Variants in MRPL1 observed in about 807,000 individuals in gnomAD.
MRPL1 encodes mitochondrial ribosomal protein L1.
A neutral mutation model predicts 38.0 loss-of-function variants in MRPL1; 28 were observed. The ratio of observed to expected loss-of-function variants is 0.74; its 90% CI spans 0.55 to 1.01. The LOEUF (loss-of-function observed/expected upper bound fraction) is 1.01. Among genes scored for constraint, MRPL1 ranks in the 50% least tolerant of loss-of-function variants. MRPL1 has a pLI of 0.00. For missense variants in MRPL1, 358 were observed against 389.8 expected (o/e 0.92, Z 0.69); for synonymous variants, 123 against 126.7 (o/e 0.97, Z 0.20).
At chr4:77,913,288 A>G (rs977666957) in intron 7 of MRPL1, among the ~76,000 whole-genome samples, 1 of 152,194 alleles carries the variant, frequency 6.6e-6, no homozygotes, top group Non-Finnish European at 1.5e-5. Context: ...AATTCAAAAT[A>G]TATAAAGAAC....
At chr4:77,899,055 A>G (rs1478616256) in intron 6 of MRPL1, among the ~76,000 whole-genome samples, 1 of 147,392 alleles carries the variant, frequency 6.8e-6, no homozygotes, top group East Asian at 2.0e-4. Flanking sequence ...GTGCAGAGAC[A>G]TGATCTTGTC....
intron 7 of MRPL1, among the ~76,000 whole-genome samples, chr4:77,928,506 C>T (rs1235084592): frequency 3.3e-5 from 5 of 152,048 alleles, no homozygotes; most frequent in Non-Finnish European, 5.9e-5. Flanking sequence ...TCTTTTGTTG[C>T]ATTATTTTTG....
intron 4 of MRPL1, among the ~76,000 whole-genome samples, chr4:77,886,064 C>G (rs1735668919): frequency 6.6e-6 from 1 of 152,078 alleles, no homozygotes; most frequent in African/African-American, 2.4e-5. Context: ...TAAAACTGTC[C>G]TAAATAAATG....
intron 2 of MRPL1, among the ~76,000 whole-genome samples, chr4:77,879,741 G>C (rs1735493951): frequency 6.6e-6 from 1 of 152,222 alleles, no homozygotes; most frequent in Non-Finnish European, 1.5e-5. Flanking sequence ...GGTTGCTCCA[G>C]TTTGGAAGGT....
chr4:77,883,438 T>C lies in MRPL1; in HGVS notation c.340T>C (p.Phe114Leu). 6.2e-7 allele frequency: 1 copy of C among 1,613,976 alleles called. No homozygotes were observed. Among genetic ancestry groups the C allele is most frequent in the Non-Finnish European group, 8.5e-7 (1 of 1,179,908 alleles). ...ACTTAAGAAATTTCAAATTCTTGAC[T>C]TTACTAGTCCAAAGCAAAGTGTTTA... is the stretch of plus-strand genomic sequence containing the variant. ...HLLKKFQILD[F>L]TSPKQSVYLD... Residue 114 changes from phenylalanine to leucine, a missense_variant, in exon 3 of 9, where the codon TTT becomes CTT. Phe to Leu is a conservative substitution (Grantham distance 22). Transcript: ENST00000315567.
rs181464755 is a variant in MRPL1, at chr4:77,872,787, T to C, written c.143+932T>C. 3.2e-3 allele frequency among the ~76,000 whole-genome samples: 487 copies of C among 152,252 alleles called. 2 individuals are homozygous for C. Among genetic ancestry groups the C allele is most frequent in the Non-Finnish European group, 2.2e-3 (148 of 68,006 alleles). ...CTGAGGTGGGAGAATCGCTTGAACC[T>C]GGGCAGCAGAGGTTGCAGCAAGCCG... is the stretch of plus-strand genomic sequence containing the variant. On this transcript the variant is annotated intron_variant, in intron 2 of 8. Transcript: ENST00000315567.
chr4:77,869,269 T>C (rs951658397), intron 1 of MRPL1, among the ~76,000 whole-genome samples: 1 of 152,146 alleles, frequency 6.6e-6, no homozygotes, highest in Non-Finnish European at 1.5e-5. Flanking sequence ...GGGAGAGATT[T>C]TGAGAATGAG....
chr4:77,917,107 T>C (rs549967755), intron 7 of MRPL1, among the ~76,000 whole-genome samples: 1 of 152,196 alleles, frequency 6.6e-6, no homozygotes, highest in Non-Finnish European at 1.5e-5. Flanking sequence ...GTTATTCTCT[T>C]TTACCCCTTA....
chr4:77,873,561 A>T (rs183041677), intron 2 of MRPL1, among the ~76,000 whole-genome samples: 3 of 152,354 alleles, frequency 2.0e-5, no homozygotes, highest in Non-Finnish European at 2.9e-5. Context: ...TTTTCACTTA[A>T]TATATTCTTA....
At chr4:77,932,234 A>G (rs1388594161) in intron 7 of MRPL1, among the ~76,000 whole-genome samples, 1 of 152,180 alleles carries the variant, frequency 6.6e-6, no homozygotes, top group Non-Finnish European at 1.5e-5. Flanking sequence ...ACTAGTGAAC[A>G]TTGGGATTTC....
chr4:77,888,454 G>A (rs984152377), intron 5 of MRPL1, among the ~76,000 whole-genome samples: 12 of 152,096 alleles, frequency 7.9e-5, no homozygotes, highest in African/African-American at 2.2e-4. Flanking sequence ...GCAGTGAGCC[G>A]AGATTGCGCC....
chr4:77,919,491 T>C (rs938820456), intron 7 of MRPL1, among the ~76,000 whole-genome samples: 3 of 152,190 alleles, frequency 2.0e-5, no homozygotes, highest in African/African-American at 7.2e-5. Context: ...CTTTTGTTAA[T>C]ATTGACTACC....
chr4:77,876,752 CT>C (rs1735404723), intron 2 of MRPL1, among the ~76,000 whole-genome samples: 1 of 152,050 alleles, frequency 6.6e-6, no homozygotes, highest in African/African-American at 2.4e-5. Flanking sequence ...CTTGTCTGTC[CT>C]TTTGGCTCTC....
intron 2 of MRPL1, among the ~76,000 whole-genome samples, chr4:77,875,070 G>A (rs1004206891): frequency 3.9e-5 from 6 of 152,032 alleles, no homozygotes; most frequent in East Asian, 3.9e-4. Context: ...TTACAGGCGT[G>A]AGCCACCATG....
chr4:77,897,150 T>C (rs1735935753), intron 6 of MRPL1, among the ~76,000 whole-genome samples: 1 of 152,052 alleles, frequency 6.6e-6, no homozygotes. Context: ...CACTGCAACC[T>C]CCGCCTCCTG....
chr4:77,945,296 C>T (rs941870608), intron 7 of MRPL1, among the ~76,000 whole-genome samples: 2 of 151,908 alleles, frequency 1.3e-5, no homozygotes, highest in African/African-American at 2.4e-5. Context: ...TGCCAGGCCA[C>T]ACTTTATATA....
intron 7 of MRPL1, among the ~76,000 whole-genome samples, chr4:77,927,083 T>C (rs1046802888): frequency 6.6e-6 from 1 of 152,182 alleles, no homozygotes; most frequent in Non-Finnish European, 1.5e-5. Flanking sequence ...CCTCCCTCCT[T>C]GGTCATCTAC....
chr4:77,871,808 T>C lies in MRPL1; in HGVS notation c.96T>C (p.Cys32=), dbSNP rs754455275. ...KMVYQTSLCS[C]SVNIRVPNRH... is the part of the protein sequence containing the mutation. ...TTTATCAGACATCACTTTGTTCTTGTTCTGTAAACATCCGAGTGCCCAACA... is the reference window on the plus strand; with the variant it reads ...TTTATCAGACATCACTTTGTTCTTGCTCTGTAAACATCCGAGTGCCCAACA... Residue 32 remains cysteine (C), a synonymous_variant, in exon 2 of 9, where the codon TGT becomes TGC. Transcript: ENST00000315567. The C allele has an allele frequency of 1.9e-6, 3 of 1,604,812 alleles. No homozygotes were observed. The highest frequency in any genetic ancestry group is 8.5e-7 in the Non-Finnish European group (1 of 1,177,490).
intron 7 of MRPL1, among the ~76,000 whole-genome samples, chr4:77,941,423 G>T (rs1371025428): frequency 6.6e-6 from 1 of 152,112 alleles, no homozygotes; most frequent in Non-Finnish European, 1.5e-5. Context: ...CTATCTTGTG[G>T]AATAGTGTCA....
Sources: allele counts gnomAD v4.1 joint callset (sites outside exome capture counted in the v4.1 genomes callset), GRCh38; gene constraint gnomAD v4.1.1; transcripts MANE v1.5; gene names NCBI Gene and HGNC (gene_info 2026-07-23, HGNC 2026-07-21).